DNAH14: variants seen among roughly 807,000 people sequenced by gnomAD.
DNAH14 encodes axonemal beta dynein heavy chain 14.
A neutral mutation model predicts 520.9 loss-of-function variants in DNAH14; 478 were observed. That is an observed-to-expected ratio of 0.92 (90% CI 0.85 to 0.99). The LOEUF is 0.99. DNAH14 is among the 50% of genes least tolerant of loss of function. DNAH14 has a pLI of 0.00. For synonymous variants in DNAH14, 1,581 were observed against 1,757.2 expected, an observed-to-expected ratio of 0.90 and a Z score of 2.51; for missense variants, 4,831 against 5,234.5, an observed-to-expected ratio of 0.92 and a Z score of 2.38.
intron 36 of DNAH14, among the ~76,000 whole-genome samples, chr1:225,184,589 C>T (rs1036814031): frequency 6.6e-6 from 1 of 152,094 alleles, no homozygotes; most frequent in African/African-American, 2.4e-5. Context: ...CACTGCACAC[C>T]AGCCTGGGCA....
At chr1:225,057,161 T>A (rs1383814367) in intron 17 of DNAH14, among the ~76,000 whole-genome samples, 2 of 152,250 alleles carry the variant, frequency 1.3e-5, no homozygotes, top group African/African-American at 4.8e-5. Context: ...TTCCTACCCA[T>A]GAGCATGGAA....
intron 35 of DNAH14, among the ~76,000 whole-genome samples, chr1:225,160,256 G>C (rs1401157237): frequency 6.6e-6 from 1 of 152,076 alleles, no homozygotes; most frequent in East Asian, 1.9e-4. Context: ...GATTTTATCA[G>C]GTGTCAGGCC....
At chr1:225,134,973 A>G (rs1279147024) in intron 27 of DNAH14, among the ~76,000 whole-genome samples, 5 of 151,662 alleles carry the variant, frequency 3.3e-5, no homozygotes, top group African/African-American at 1.2e-4. Flanking sequence ...TGTCCAGGAA[A>G]TTGTCTATTT....
chr1:225,144,280 C>A, intron 28 of DNAH14, 117 bp from the exon 29 acceptor site: 1 of 778,200 alleles, frequency 1.3e-6, no homozygotes, highest in Non-Finnish European at 2.0e-6. Flanking sequence ...AATTTTTTAA[C>A]TTCTATTTGT....
At chr1:225,010,649 G>A (rs1275909907) in intron 10 of DNAH14, among the ~76,000 whole-genome samples, 1 of 152,036 alleles carries the variant, frequency 6.6e-6, no homozygotes, top group Non-Finnish European at 1.5e-5. Context: ...TCTATTGTTT[G>A]GAATAGTTTC....
chr1:225,108,085 A>T (rs1274488456), intron 23 of DNAH14, among the ~76,000 whole-genome samples: 1 of 152,140 alleles, frequency 6.6e-6, no homozygotes, highest in East Asian at 1.9e-4. Context: ...CTAATCAGCT[A>T]CCAGTGCTGC....
At chr1:225,273,526 G>A (rs1036772264) in intron 52 of DNAH14, among the ~76,000 whole-genome samples, 7 of 152,176 alleles carry the variant, frequency 4.6e-5, no homozygotes, top group Non-Finnish European at 1.0e-4. Flanking sequence ...ATATAATACT[G>A]AAAGAAATGT....
chr1:225,075,674 G>A (rs527921897), intron 17 of DNAH14, among the ~76,000 whole-genome samples: 86 of 152,112 alleles, frequency 5.7e-4, no homozygotes, highest in Non-Finnish European at 1.0e-3. Flanking sequence ...AACATAGTGG[G>A]ACCCTACCTC....
intron 35 of DNAH14, among the ~76,000 whole-genome samples, chr1:225,165,236 A>G (rs1434057018): frequency 6.6e-6 from 1 of 152,048 alleles, no homozygotes; most frequent in African/African-American, 2.4e-5. Context: ...TCACTTCAAT[A>G]TTTATTATTT....
In DNAH14 at chr1:225,085,524, G is replaced by T. The variant is rs998290476; in HGVS notation, c.3328-20G>T. On this transcript the variant is annotated intron_variant, in intron 20 of 85. Transcript: ENST00000682510. ...ATTATTTGCTATACTGGATACTAAA[G>T]AATACTTTGTTCATTTTAGATGTTT... The T allele has an allele frequency of 1.3e-6, 2 of 1,528,074 alleles. No individual in the cohort carries two copies. Among genetic ancestry groups the T allele is most frequent in the South Asian group, 1.2e-5 (1 of 81,866 alleles). The allele number at this position is 1,528,074 out of a possible 1,614,324, so 94.7% of individuals were successfully genotyped here. A position where few individuals can be genotyped will look rare whatever the true frequency, so the allele number is the denominator to read the frequency against.
intron 41 of DNAH14, among the ~76,000 whole-genome samples, chr1:225,210,427 C>T (rs989726618): frequency 6.6e-6 from 1 of 152,150 alleles, no homozygotes; most frequent in African/African-American, 2.4e-5. Context: ...CAACACAGCA[C>T]CGCAAAGCCA....
At chr1:225,383,745 T>G (rs555454120) in intron 81 of DNAH14, among the ~76,000 whole-genome samples, 23 of 152,244 alleles carry the variant, frequency 1.5e-4, no homozygotes, top group African/African-American at 5.5e-4. Flanking sequence ...TGAAAGGCAA[T>G]GGGACTGATC....
chr1:225,066,480 A>G (rs1210039184), intron 17 of DNAH14, among the ~76,000 whole-genome samples: 1 of 151,808 alleles, frequency 6.6e-6, no homozygotes, highest in Non-Finnish European at 1.5e-5. Flanking sequence ...TCATTTTTAA[A>G]TTTTTAATTT....
intron 22 of DNAH14, among the ~76,000 whole-genome samples, chr1:225,099,690 G>T (rs567618793): frequency 3.9e-5 from 6 of 152,134 alleles, no homozygotes; most frequent in Non-Finnish European, 7.3e-5. Context: ...GGGAATCCCA[G>T]AAGTATACTA....
chr1:225,126,594 C>T lies in DNAH14; in HGVS notation c.4254+2980C>T, dbSNP rs2077738106. On this transcript the variant is annotated intron_variant, in intron 27 of 85. Coordinates refer to ENST00000682510, the MANE Select transcript of DNAH14 (RefSeq NM_001367479.1). ...TTTATTGCTTCTATTTGATTCTTCT[C>T]TCTTTTTTTCTTTATTAGTCTTGCT... Among the ~76,000 whole-genome samples, 4 of 152,174 alleles carry T rather than the reference C, an allele frequency of 2.6e-5. 1 individual carries two copies. The South Asian group carries it at 8.3e-4, about 32-fold the overall frequency.
At chr1:225,360,591 C>A in intron 74 of DNAH14, 90 bp from the exon 75 acceptor site, 1 of 1,207,454 alleles carries the variant, frequency 8.3e-7, no homozygotes, top group Non-Finnish European at 1.2e-6. Context: ...TACCTTTTCC[C>A]AACACTACTC....
In DNAH14 at chr1:224,971,411, T is replaced by G. The variant is rs199748554; in HGVS notation, c.767+2537T>G. On this transcript the variant is annotated intron_variant, in intron 7 of 85. Transcript: ENST00000682510. ...ATTTTGTGACAGAGAAATTAATTAT[T>G]GAATAAATGTTATCATGTCCCTATT... Among the ~76,000 whole-genome samples, 13 of 152,290 alleles carry G rather than the reference T, an allele frequency of 8.5e-5. No individual in the cohort carries two copies. The East Asian group carries it at 2.5e-3, about 29-fold the overall frequency.
intron 12 of DNAH14, among the ~76,000 whole-genome samples, chr1:225,040,032 G>A (rs1371276742): frequency 2.0e-5 from 3 of 149,148 alleles, no homozygotes; most frequent in Non-Finnish European, 4.5e-5. Flanking sequence ...CCGCCTCCTG[G>A]GTTCACGCCA....
intron 76 of DNAH14, among the ~76,000 whole-genome samples, chr1:225,366,592 C>A (rs2095555890): frequency 6.6e-6 from 1 of 152,146 alleles, no homozygotes. Context: ...CAATTGCTGG[C>A]AACCTGAATT....
Sources: allele counts gnomAD v4.1 joint callset (sites outside exome capture counted in the v4.1 genomes callset), GRCh38; gene constraint gnomAD v4.1.1; transcripts MANE v1.5; gene names NCBI Gene and HGNC (gene_info 2026-07-23, HGNC 2026-07-21).